The following FCHO2 variants were observed in gnomAD, a reference collection of about 807,000 sequenced individuals.
FCHO2 encodes the protein F-BAR domain only protein 2.
FCHO2 carries 43 observed loss-of-function variants against 114.1 expected under a neutral mutation model. The observed-to-expected ratio is 0.38, with a 90% CI of 0.30 to 0.49. The LOEUF (loss-of-function observed/expected upper bound fraction) is 0.49. Among genes scored for constraint, FCHO2 ranks in the 20% least tolerant of loss-of-function variants. The probability of loss-of-function intolerance (pLI) is 0.97; values close to 1 mark genes in which losing one functional copy is unlikely to be tolerated. For missense variants in FCHO2, 807 were observed against 950.4 expected (o/e 0.85, Z 1.98); for synonymous variants, 293 against 315.2 (o/e 0.93, Z 0.75).
At chr5:73,063,607 A>T (rs1320623404) in intron 17 of FCHO2, among the ~76,000 whole-genome samples, 1 of 152,042 alleles carries the variant, frequency 6.6e-6, no homozygotes, top group Non-Finnish European at 1.5e-5. Context: ...AATAAAATTT[A>T]TATGTGTCAG....
intron 6 of FCHO2, among the ~76,000 whole-genome samples, chr5:73,013,707 G>A (rs563296157): frequency 8.5e-5 from 13 of 152,084 alleles, no homozygotes; most frequent in Admixed American, 2.0e-4. Context: ...TCACTCTGTC[G>A]CCCAGGCTGG....
chr5:72,993,557 A>ACTCCT, intron 5 of FCHO2, among the ~76,000 whole-genome samples: 1 of 152,302 alleles, frequency 6.6e-6, no homozygotes, highest in African/African-American at 2.4e-5. Context: ...CCAGAGAAAA[A>ACTCCT]GAAAATGGGT....
chr5:72,991,875 G>A (rs1012752529), intron 5 of FCHO2, among the ~76,000 whole-genome samples: 30 of 152,130 alleles, frequency 2.0e-4, no homozygotes, highest in African/African-American at 5.3e-4. Flanking sequence ...CATATTAAAC[G>A]GAATACTAGT....
intron 11 of FCHO2, among the ~76,000 whole-genome samples, chr5:73,048,870 C>CTTTTTTTTTTTTTTT (rs764057424): frequency 9.5e-6 from 1 of 105,436 alleles, no homozygotes; most frequent in Non-Finnish European, 1.8e-5. Flanking sequence ...AATTTGCTAT[C>CTTTTTTTTTTTTTTT]TTTTTTTTTT....
At chr5:73,004,417 A>G (rs1381849125) in intron 5 of FCHO2, among the ~76,000 whole-genome samples, 1 of 152,180 alleles carries the variant, frequency 6.6e-6, no homozygotes, top group Non-Finnish European at 1.5e-5. Context: ...GAAAATTGTT[A>G]CGGGTTTTAG....
chr5:72,966,737 T>A (rs752641551), intron 1 of FCHO2, among the ~76,000 whole-genome samples: 4 of 152,204 alleles, frequency 2.6e-5, no homozygotes, highest in Non-Finnish European at 5.9e-5. Flanking sequence ...AAAATCAAGT[T>A]TTGTATTATG....
chr5:72,957,178 C>T (rs1304586242), intron 1 of FCHO2, among the ~76,000 whole-genome samples: 2 of 152,138 alleles, frequency 1.3e-5, no homozygotes, highest in East Asian at 1.9e-4. Context: ...CCACAAAGAA[C>T]GTATATACTA....
At chr5:72,992,519 C>T (rs1362615413) in intron 5 of FCHO2, among the ~76,000 whole-genome samples, 1 of 152,138 alleles carries the variant, frequency 6.6e-6, no homozygotes, top group Non-Finnish European at 1.5e-5. Flanking sequence ...GGATTTGGCT[C>T]TTACGTGGCA....
In FCHO2 at chr5:72,968,502, A is replaced by G. The variant is rs2112603126; in HGVS notation, c.38A>G (p.Glu13Gly). The change falls in exon 2 of 26, where the codon GAA becomes GGA. Residue 13 changes from glutamate to glycine, a missense_variant. By Grantham distance (98) the Glu-to-Gly change is moderately conservative. Coordinates refer to ENST00000430046, the MANE Select transcript of FCHO2 (RefSeq NM_138782.3). ...AAAAATCTTTTTAAATTTTAGGGGG[A>G]AAAAAATAGTGGCTTTGATGTCCTC... ...MAYFVENFWG[E>G]KNSGFDVLYH... 1 of 1,491,420 alleles carries G rather than the reference A, an allele frequency of 6.7e-7. No individual in the cohort carries two copies. The highest frequency in any genetic ancestry group is 1.5e-5 in the African/African-American group (1 of 68,594). 92.4% of individuals were successfully genotyped at this position (1,491,420 alleles called of 1,614,324 possible). A position where few individuals can be genotyped will look rare whatever the true frequency, so the allele number is the denominator to read the frequency against.
chr5:73,008,753 G>C (rs960097001), intron 6 of FCHO2, among the ~76,000 whole-genome samples: 1 of 152,042 alleles, frequency 6.6e-6, no homozygotes, highest in African/African-American at 2.4e-5. Flanking sequence ...GCTGTCTATA[G>C]TCTTTATCCT....
At chr5:73,075,050 T>A (rs1458948629) in intron 20 of FCHO2, among the ~76,000 whole-genome samples, 197 bp downstream of exon 20, 3 of 152,192 alleles carry the variant, frequency 2.0e-5, no homozygotes, top group Non-Finnish European at 2.9e-5. Context: ...ATTCATCAAA[T>A]ACTTGAGCAC....
chr5:73,042,284 C>A (rs555309452), intron 11 of FCHO2, among the ~76,000 whole-genome samples: 34 of 152,156 alleles, frequency 2.2e-4, no homozygotes, highest in African/African-American at 7.9e-4. Context: ...CTGTTTGATA[C>A]CCTTGGTTAA....
At chr5:73,016,696 T>G (rs996758684) in intron 7 of FCHO2, among the ~76,000 whole-genome samples, 25 of 146,652 alleles carry the variant, frequency 1.7e-4, no homozygotes, top group Non-Finnish European at 3.0e-4. Flanking sequence ...TAAAAAAGAT[T>G]TTAAATTGTT....
At chr5:72,968,674 T>G in intron 2 of FCHO2, 85 bp downstream of exon 2, 2 of 945,110 alleles carry the variant, frequency 2.1e-6, no homozygotes, top group Non-Finnish European at 3.1e-6. Context: ...AAAACTTTAT[T>G]TGGATTTGGA....
At chr5:72,970,140 T>G (rs1752441211) in intron 2 of FCHO2, among the ~76,000 whole-genome samples, 1 of 152,108 alleles carries the variant, frequency 6.6e-6, no homozygotes, top group African/African-American at 2.4e-5. Context: ...TTGTTACCTC[T>G]TCTCTTTCAG....
chr5:73,048,288 A>G (rs1353262589), intron 11 of FCHO2, among the ~76,000 whole-genome samples: 3 of 151,926 alleles, frequency 2.0e-5, no homozygotes, highest in African/African-American at 7.3e-5. Context: ...TGTGTCTATT[A>G]AAAATACAAA....
chr5:73,033,707 A>C lies in FCHO2; in HGVS notation c.797-950A>C, dbSNP rs182329820. 3.0e-3 allele frequency among the ~76,000 whole-genome samples: 456 copies of C among 152,326 alleles called. 1 individual carries two copies. Among genetic ancestry groups the C allele is most frequent in the African/African-American group, 9.1e-3 (377 of 41,580 alleles). ...TTATATATAAAAAGTACTAAATGAC[A>C]GCTTAGTGGGAGATAATTTTTTAGT... On this transcript the variant is annotated intron_variant, in intron 8 of 25. Transcript: ENST00000430046.
intron 2 of FCHO2, among the ~76,000 whole-genome samples, chr5:72,978,636 C>T (rs1283875465): frequency 1.3e-5 from 2 of 152,068 alleles, no homozygotes; most frequent in Admixed American, 6.6e-5. Flanking sequence ...CTAGAACTTC[C>T]AATACTATGT....
At chr5:73,069,514 G>C (rs1174473346) in intron 19 of FCHO2, among the ~76,000 whole-genome samples, 1 of 152,002 alleles carries the variant, frequency 6.6e-6, no homozygotes, top group Non-Finnish European at 1.5e-5. Flanking sequence ...GCGCAACCTA[G>C]ATCCCTCACA....
Sources: gnomAD v4.1 joint callset for allele counts (sites outside exome capture counted in the v4.1 genomes callset) on GRCh38, gnomAD v4.1.1 for gene constraint, MANE v1.5 for transcripts, NCBI Gene and HGNC (gene_info 2026-07-23, HGNC 2026-07-21) for gene names.